Variants in MACROD1 observed in about 807,000 individuals in gnomAD.
MACROD1 encodes ADP-ribose glycohydrolase MACROD1.
A neutral mutation model predicts 41.4 loss-of-function variants in MACROD1; 31 were observed. The ratio of observed to expected loss-of-function variants is 0.75; its 90% CI spans 0.56 to 1.01. The LOEUF is 1.01. MACROD1 is among the 50% of genes least tolerant of loss of function. The pLI is 0.00. For synonymous variants in MACROD1, 252 were observed against 203.4 expected, an observed-to-expected ratio of 1.24 and a Z score of -2.03; for missense variants, 473 against 460.0, an observed-to-expected ratio of 1.03 and a Z score of -0.26.
At chr11:64,116,886 G>T in intron 3 of MACROD1, 1 of 1,611,562 alleles carries the variant, frequency 6.2e-7, no homozygotes. Flanking sequence ...GCGGCTGGAT[G>T]ACAACCGCAT....
chr11:64,110,449 GA>G (rs754055496), intron 3 of MACROD1, among the ~76,000 whole-genome samples: 5,338 of 132,088 alleles, frequency 0.04, 96 homozygotes, highest in African/African-American at 0.052. Context: ...GACTGTCTCA[GA>G]AAAAAAAAAA....
chr11:63,998,904 C>G, intron 9 of MACROD1, 32 bp from the exon 10 acceptor site: 1 of 1,593,392 alleles, frequency 6.3e-7, no homozygotes, highest in Non-Finnish European at 8.5e-7. Flanking sequence ...GAGCCCGCCC[C>G]CAGGGTGGAC....
chr11:64,101,680 G>A (rs947696763), intron 3 of MACROD1, among the ~76,000 whole-genome samples: 1 of 152,198 alleles, frequency 6.6e-6, no homozygotes, highest in Non-Finnish European at 1.5e-5. Context: ...AAGGGCTCGT[G>A]CTAGAGCCGG....
intron 3 of MACROD1, among the ~76,000 whole-genome samples, chr11:64,107,375 C>T (rs1210250799): frequency 6.9e-6 from 1 of 144,782 alleles, no homozygotes; most frequent in Non-Finnish European, 1.5e-5. Context: ...GGTTTAATAT[C>T]GAACACTGTT....
At position 63,998,622 on chromosome 11, in the gene MACROD1, AGGC is replaced by A; in HGVS notation, c.*93_*95del. ...GCGCGGAGGGAAAGAAGGGGTGGCC[AGGC>A]CCAGGCCAGGCTGCAGGCTTTGGCG... On this transcript the variant is annotated 3_prime_UTR_variant, in exon 11 of 11. Coordinates refer to ENST00000255681, the MANE Select transcript of MACROD1 (RefSeq NM_014067.4). The A allele has an allele frequency of 7.8e-7, 1 of 1,284,266 alleles. No homozygotes were observed. The highest frequency in any genetic ancestry group is 9.8e-7 in the Non-Finnish European group (1 of 1,018,066). 79.6% of individuals were successfully genotyped at this position (1,284,266 alleles called of 1,614,324 possible). A position where few individuals can be genotyped will look rare whatever the true frequency, so the allele number is the denominator to read the frequency against.
At chr11:64,136,296 C>T (rs1945331596) in intron 3 of MACROD1, among the ~76,000 whole-genome samples, 1 of 152,180 alleles carries the variant, frequency 6.6e-6, no homozygotes, top group South Asian at 2.1e-4. Flanking sequence ...AGGGCACTTC[C>T]CAGGATACAT....
chr11:64,117,966 T>C, intron 3 of MACROD1: 3 of 1,613,756 alleles, frequency 1.9e-6, no homozygotes, highest in Non-Finnish European at 2.5e-6. Flanking sequence ...GGTCTTCCTC[T>C]TCCTGGTCCT....
chr11:64,148,042 G>A (rs938670538), intron 3 of MACROD1, among the ~76,000 whole-genome samples: 1 of 152,064 alleles, frequency 6.6e-6, no homozygotes, highest in African/African-American at 2.4e-5. Context: ...TCCCGCCCAG[G>A]GTCCGATTCT....
Position 64,044,763 on chromosome 11 carries a change from T to C in MACROD1, c.518-29482A>G, listed in dbSNP as rs186877971. 1.1e-3 allele frequency among the ~76,000 whole-genome samples: 165 copies of C among 152,252 alleles called. 2 individuals carry two copies. The highest frequency in any genetic ancestry group is 3.8e-3 in the African/African-American group (159 of 41,574). On this transcript the variant is annotated intron_variant, in intron 3 of 10. Transcript: ENST00000255681. ...AGCACCTGAGCTTTGGTATCTGTCA[T>C]GCTCCCCCCTCACCAGACCCCTCCC...
At chr11:64,143,801 C>CACACACA (rs762084927) in intron 3 of MACROD1, among the ~76,000 whole-genome samples, 1 of 144,854 alleles carries the variant, frequency 6.9e-6, no homozygotes, top group Non-Finnish European at 1.5e-5. Flanking sequence ...CACACACACA[C>CACACACA]AATTTCCTGG....
chr11:64,076,965 C>T (rs1405389260), intron 3 of MACROD1, among the ~76,000 whole-genome samples: 1 of 152,144 alleles, frequency 6.6e-6, no homozygotes, highest in African/African-American at 2.4e-5. Context: ...GGGTTATCAC[C>T]TCCTAAAAAT....
chr11:63,999,046 G>A lies in MACROD1; in HGVS notation c.892-10C>T. ...TGATCAGCCGGTCCACCTGCGCCAG[G>A]GGCTGCTCAGCCTGGGCCGAGCTGC... On this transcript the variant is annotated splice_polypyrimidine_tract_variant and intron_variant, in intron 8 of 10. Transcript: ENST00000255681. 3 of 1,596,854 alleles carry A rather than the reference G, an allele frequency of 1.9e-6. No homozygotes were observed. The highest frequency in any genetic ancestry group is 2.6e-6 in the Non-Finnish European group (3 of 1,173,208).
intron 3 of MACROD1, among the ~76,000 whole-genome samples, chr11:64,038,350 C>G (rs568685970): frequency 2.0e-5 from 3 of 152,346 alleles, no homozygotes; most frequent in African/African-American, 7.2e-5. Context: ...AGTTGTCCCA[C>G]AGAGAGGATG....
intron 3 of MACROD1, among the ~76,000 whole-genome samples, chr11:64,053,982 G>A (rs1019725036): frequency 2.0e-5 from 3 of 152,164 alleles, no homozygotes; most frequent in South Asian, 2.1e-4. Flanking sequence ...ACCGTGCTGG[G>A]CGCTCTGCAC....
chr11:64,038,368 G>C (rs982663567), intron 3 of MACROD1, among the ~76,000 whole-genome samples: 1 of 152,228 alleles, frequency 6.6e-6, no homozygotes, highest in African/African-American at 2.4e-5. Context: ...ATGTCTGGGT[G>C]TTCTGCGTGT....
intron 3 of MACROD1, among the ~76,000 whole-genome samples, chr11:64,030,059 C>CG (rs1943273787): frequency 6.6e-6 from 1 of 152,078 alleles, no homozygotes. Context: ...AACCACCCCC[C>CG]GGGTGACACA....
intron 3 of MACROD1, chr11:64,117,851 G>C: frequency 6.2e-7 from 1 of 1,614,174 alleles, no homozygotes; most frequent in Non-Finnish European, 8.5e-7. Flanking sequence ...CCAAGGCAGA[G>C]ACAGCCGACA....
At chr11:64,126,681 G>A (rs748851361) in intron 3 of MACROD1, among the ~76,000 whole-genome samples, 2 of 151,994 alleles carry the variant, frequency 1.3e-5, no homozygotes, top group East Asian at 3.9e-4. Flanking sequence ...AGCCCCTGGC[G>A]GCCAAGGGGT....
At chr11:64,100,511 C>G (rs916859012) in intron 3 of MACROD1, among the ~76,000 whole-genome samples, 2 of 152,216 alleles carry the variant, frequency 1.3e-5, no homozygotes, top group African/African-American at 2.4e-5. Context: ...TAACTTCACA[C>G]GGCATGGTCT....
Sources: allele counts gnomAD v4.1 joint callset (sites outside exome capture counted in the v4.1 genomes callset), GRCh38; gene constraint gnomAD v4.1.1; transcripts MANE v1.5; gene names NCBI Gene and HGNC (gene_info 2026-07-23, HGNC 2026-07-21).